ENTREP1: variants seen among roughly 807,000 people sequenced by gnomAD.
The protein encoded by ENTREP1 is endosomal transmembrane epsin interactor 1.
the ENTREP1 span, among the ~76,000 whole-genome samples, chr9:69,354,534 A>C: frequency 6.6e-6 from 1 of 152,234 alleles, no homozygotes; most frequent in African/African-American, 2.4e-5. Context: ...CTGGGATTAC[A>C]GGCATGAGCC....
the ENTREP1 span, among the ~76,000 whole-genome samples, chr9:69,359,015 C>T: frequency 6.7e-6 from 1 of 149,648 alleles, no homozygotes; most frequent in Non-Finnish European, 1.5e-5. Flanking sequence ...AAGTGATTCT[C>T]CTGCCTCAGC....
At chr9:69,389,487 G>A in the ENTREP1 span, among the ~76,000 whole-genome samples, 1 of 152,164 alleles carries the variant, frequency 6.6e-6, no homozygotes, top group African/African-American at 2.4e-5. Context: ...CTTGCATGAA[G>A]AGGTACATGA....
chr9:69,351,662 C>T, the ENTREP1 span, among the ~76,000 whole-genome samples: 5 of 152,172 alleles, frequency 3.3e-5, no homozygotes, highest in Non-Finnish European at 7.3e-5. Flanking sequence ...AGTCATCCAT[C>T]CGCCTCGGCC....
At chr9:69,355,121 A>G in the ENTREP1 span, among the ~76,000 whole-genome samples, 1 of 152,214 alleles carries the variant, frequency 6.6e-6, no homozygotes, top group Non-Finnish European at 1.5e-5. Flanking sequence ...TAAAATTTTA[A>G]TGGCTCTTAG....
At chr9:69,349,246 G>A in the ENTREP1 span, among the ~76,000 whole-genome samples, 4 of 149,482 alleles carry the variant, frequency 2.7e-5, no homozygotes, top group Non-Finnish European at 5.9e-5. Context: ...ATGAACATTA[G>A]TGTACAATTT....
At chr9:69,378,226 T>G in the ENTREP1 span, among the ~76,000 whole-genome samples, 1 of 152,212 alleles carries the variant, frequency 6.6e-6, no homozygotes, top group African/African-American at 2.4e-5. Context: ...CAAATCGATG[T>G]TTCATTGTAA....
chr9:69,365,870 A>G, the ENTREP1 span, among the ~76,000 whole-genome samples: 2 of 152,136 alleles, frequency 1.3e-5, no homozygotes, highest in African/African-American at 2.4e-5. Context: ...ATTCTTTTTT[A>G]TGGCCAATTA....
chr9:69,340,776 TATGTGTGTGTGC>T, the ENTREP1 span, among the ~76,000 whole-genome samples: 6 of 137,322 alleles, frequency 4.4e-5, no homozygotes, highest in East Asian at 4.3e-4. Context: ...TGTGTGTGTG[TATGTGTGTGTGC>T]ATGTGTGTGT....
the ENTREP1 span, chr9:69,385,962 C>G: frequency 3.8e-6 from 6 of 1,591,412 alleles, no homozygotes; most frequent in Non-Finnish European, 5.1e-6. Flanking sequence ...TGTCATTCCC[C>G]AAGCTCTTCG....
At chr9:69,353,093 C>T in the ENTREP1 span, among the ~76,000 whole-genome samples, 7 of 152,252 alleles carry the variant, frequency 4.6e-5, no homozygotes, top group Non-Finnish European at 1.0e-4. Flanking sequence ...GCCGTGATCG[C>T]ACCACTACAG....
chr9:69,365,163 A>T, the ENTREP1 span, among the ~76,000 whole-genome samples: 1 of 152,310 alleles, frequency 6.6e-6, no homozygotes, highest in East Asian at 1.9e-4. Flanking sequence ...AATTTGAATA[A>T]TGCATGTAAC....
At chr9:69,359,976 T>A in the ENTREP1 span, among the ~76,000 whole-genome samples, 1 of 152,140 alleles carries the variant, frequency 6.6e-6, no homozygotes, top group Non-Finnish European at 1.5e-5. Context: ...TTTGCTTTTT[T>A]TTTTTTTTTG....
At chr9:69,375,633 A>T in the ENTREP1 span, 1 of 931,122 alleles carries the variant, frequency 1.1e-6, no homozygotes, top group African/African-American at 1.6e-5. Context: ...CCTGACACAG[A>T]ACCCTGCCAT....
chr9:69,333,871 ACACACATGTG>A, the ENTREP1 span, among the ~76,000 whole-genome samples: 8 of 152,164 alleles, frequency 5.3e-5, no homozygotes, highest in African/African-American at 1.9e-4. Context: ...ACACACATGC[ACACACATGTG>A]CACACACATG....
chr9:69,347,545 G>A, the ENTREP1 span, among the ~76,000 whole-genome samples: 1 of 152,190 alleles, frequency 6.6e-6, no homozygotes, highest in Non-Finnish European at 1.5e-5. Context: ...AATAAGCCTG[G>A]TGGCAGAGAG....
the ENTREP1 span, chr9:69,371,374 C>G: frequency 3.7e-6 from 3 of 814,630 alleles, no homozygotes; most frequent in Admixed American, 1.8e-5. Flanking sequence ...ATTGAAAACA[C>G]GGTTCTGATC....
At chr9:69,351,609 G>A in the ENTREP1 span, among the ~76,000 whole-genome samples, 1 of 152,142 alleles carries the variant, frequency 6.6e-6, no homozygotes, top group Non-Finnish European at 1.5e-5. Flanking sequence ...TAGAGATGGT[G>A]GTTCACCATG....
the ENTREP1 span, among the ~76,000 whole-genome samples, chr9:69,342,409 C>T: frequency 6.6e-6 from 1 of 152,170 alleles, no homozygotes; most frequent in Non-Finnish European, 1.5e-5. Context: ...GTAGCCATCT[C>T]ACTGTGGCCA....
At chr9:69,358,736 AAAC>A in the ENTREP1 span, among the ~76,000 whole-genome samples, 3 of 152,334 alleles carry the variant, frequency 2.0e-5, no homozygotes, top group East Asian at 5.8e-4. Context: ...ATTTAAATAA[AAAC>A]AACACATGTA....
Sources: allele counts gnomAD v4.1 joint callset (sites outside exome capture counted in the v4.1 genomes callset), GRCh38; gene constraint gnomAD v4.1.1; transcripts MANE v1.5; gene names NCBI Gene and HGNC (gene_info 2026-07-23, HGNC 2026-07-21).